The following CNTNAP2 variants were observed in gnomAD, a reference collection of about 807,000 sequenced individuals.
The protein encoded by CNTNAP2 is contactin associated protein 2.
CNTNAP2 carries 98 observed loss-of-function variants against 155.2 expected under a neutral mutation model. The observed-to-expected ratio is 0.63, with a 90% confidence interval of 0.54 to 0.75. The LOEUF (loss-of-function observed/expected upper bound fraction) is 0.75. CNTNAP2 is among the 30% of genes least tolerant of loss of function. The pLI is 0.00. For synonymous variants in CNTNAP2, 651 were observed against 631.2 expected (o/e 1.03, Z -0.47); for missense variants, 1,727 against 1,688.1 (o/e 1.02, Z -0.40).
intron 12 of CNTNAP2, among the ~76,000 whole-genome samples, chr7:147,577,873 CA>C (rs1157591318): frequency 6.6e-6 from 1 of 152,080 alleles, no homozygotes; most frequent in Admixed American, 6.6e-5. Flanking sequence ...CTACTCTCCT[CA>C]AGTTTATCTT....
chr7:147,275,066 A>G (rs962260954), intron 8 of CNTNAP2, among the ~76,000 whole-genome samples: 9 of 152,124 alleles, frequency 5.9e-5, no homozygotes, highest in African/African-American at 2.2e-4. Flanking sequence ...TTATAGCCTT[A>G]CAGTATAATT....
At chr7:147,147,723 C>T (rs147596711) in intron 8 of CNTNAP2, among the ~76,000 whole-genome samples, 2 of 152,240 alleles carry the variant, frequency 1.3e-5, no homozygotes, top group African/African-American at 4.8e-5. Flanking sequence ...ACTGATAACA[C>T]CTGACATGCT....
At chr7:146,678,982 C>T (rs1484432635) in intron 1 of CNTNAP2, among the ~76,000 whole-genome samples, 1 of 152,038 alleles carries the variant, frequency 6.6e-6, no homozygotes, top group Non-Finnish European at 1.5e-5. Context: ...TCAGGATTGT[C>T]TTTCTTTTTC....
At chr7:147,975,775 G>A (rs1321883700) in intron 14 of CNTNAP2, among the ~76,000 whole-genome samples, 1 of 151,796 alleles carries the variant, frequency 6.6e-6, no homozygotes. Flanking sequence ...CCCCTCTTTG[G>A]TCCCTTCCCA....
chr7:147,309,907 T>A (rs1795092084), intron 9 of CNTNAP2, among the ~76,000 whole-genome samples: 1 of 152,068 alleles, frequency 6.6e-6, no homozygotes, highest in Non-Finnish European at 1.5e-5. Flanking sequence ...CACTTTCTAT[T>A]ATGAGAATAT....
chr7:146,205,748 C>G (rs931706506), intron 1 of CNTNAP2, among the ~76,000 whole-genome samples: 1 of 151,806 alleles, frequency 6.6e-6, no homozygotes, highest in African/African-American at 2.4e-5. Flanking sequence ...AAAAGTCTAA[C>G]ATAGCAACTT....
chr7:147,721,630 T>C (rs1796569301), intron 13 of CNTNAP2, among the ~76,000 whole-genome samples: 1 of 152,100 alleles, frequency 6.6e-6, no homozygotes, highest in African/African-American at 2.4e-5. Context: ...GGAGTTCCCT[T>C]TACATATTTC....
At chr7:146,952,070 C>T (rs994313807) in intron 3 of CNTNAP2, among the ~76,000 whole-genome samples, 1 of 152,084 alleles carries the variant, frequency 6.6e-6, no homozygotes, top group African/African-American at 2.4e-5. Flanking sequence ...ACATTAAAAA[C>T]TTATCCGCCA....
chr7:146,856,812 G>A (rs112143577), intron 3 of CNTNAP2, among the ~76,000 whole-genome samples: 7,185 of 152,148 alleles, frequency 0.047, 211 homozygotes, highest in African/African-American at 0.07. Flanking sequence ...AATATTCTAT[G>A]AGGAATGTTC....
chr7:146,796,859 G>A (rs993771550), intron 2 of CNTNAP2, among the ~76,000 whole-genome samples: 9 of 152,162 alleles, frequency 5.9e-5, no homozygotes, highest in Admixed American at 6.5e-5. Context: ...ATTCTTGGCC[G>A]GGCGCGGTGG....
At chr7:148,326,503 A>G (rs1451165092) in intron 21 of CNTNAP2, among the ~76,000 whole-genome samples, 1 of 152,182 alleles carries the variant, frequency 6.6e-6, no homozygotes, top group Non-Finnish European at 1.5e-5. Flanking sequence ...CAAACTAACC[A>G]GCATTCCTAA....
At chr7:148,346,069 G>C (rs1008519795) in intron 21 of CNTNAP2, among the ~76,000 whole-genome samples, 6 of 152,078 alleles carry the variant, frequency 3.9e-5, no homozygotes, top group African/African-American at 1.4e-4. Context: ...CCCCCTGAGC[G>C]CCAGTGTCAC....
intron 1 of CNTNAP2, among the ~76,000 whole-genome samples, chr7:146,130,834 T>TGA (rs1481223886): frequency 4.6e-5 from 7 of 152,082 alleles, no homozygotes; most frequent in African/African-American, 1.7e-4. Flanking sequence ...TGGTGGCAGA[T>TGA]GAGAGAGAAG....
rs548190689 is a variant in CNTNAP2, at chr7:146,196,678, A to G, written c.97+79705A>G. Among the ~76,000 whole-genome samples, 4 of 152,296 alleles carry G rather than the reference A, an allele frequency of 2.6e-5. No individual in the cohort carries two copies. In the South Asian group the frequency reaches 8.3e-4, roughly 32 times the overall value. On this transcript the variant is annotated intron_variant, in intron 1 of 23. Transcript: ENST00000361727. ...GAGAAACCAGAAGAGAAGACATGGC[A>G]TGTATAGAAAACTATAAATAGTTCA...
intron 1 of CNTNAP2, among the ~76,000 whole-genome samples, chr7:146,325,747 TTTCCCTGCTTAAGACA>T (rs1483262420): frequency 2.0e-5 from 3 of 152,134 alleles, no homozygotes; most frequent in Non-Finnish European, 4.4e-5. Flanking sequence ...TCATTCCTAC[TTTCCCTGCTTAAGACA>T]TTTTCAATAA....
Position 146,732,916 on chromosome 7 carries a change from T to A in CNTNAP2, c.98-41355T>A, listed in dbSNP as rs76612566. 9.0e-3 allele frequency among the ~76,000 whole-genome samples: 1,369 copies of A among 152,270 alleles called. 10 individuals are homozygous for A. Among genetic ancestry groups the A allele is most frequent in the Middle Eastern group, 0.02 (6 of 294 alleles). On this transcript the variant is annotated intron_variant, in intron 1 of 23. Coordinates refer to ENST00000361727, the MANE Select transcript of CNTNAP2 (RefSeq NM_014141.6). Reference sequence around the variant, plus strand: ...TTATTGTGATTTTAATGGTTTTGTATTTTCAAATATGTATTTTCAATCTGC... The same window carrying A: ...TTATTGTGATTTTAATGGTTTTGTAATTTCAAATATGTATTTTCAATCTGC...
chr7:146,677,386 G>T (rs2129169211), intron 1 of CNTNAP2, among the ~76,000 whole-genome samples: 1 of 152,270 alleles, frequency 6.6e-6, no homozygotes, highest in East Asian at 1.9e-4. Context: ...GATTCAGAGA[G>T]AATAGATTGT....
At chr7:146,369,073 C>G (rs1459136008) in intron 1 of CNTNAP2, among the ~76,000 whole-genome samples, 1 of 144,846 alleles carries the variant, frequency 6.9e-6, no homozygotes, top group African/African-American at 2.6e-5. Flanking sequence ...ATACTCATAA[C>G]TCTTCATTCA....
rs148703190 is a variant in CNTNAP2, at chr7:146,495,777, A to C, written c.98-278494A>C. On this transcript the variant is annotated intron_variant, in intron 1 of 23. Transcript: ENST00000361727. The stretch of plus-strand genomic sequence containing the variant: ...GTAGACGATGGTGAAGAAATGAGAA[A>C]GGGTAAGGCATGAGAATAAAGACAT... Among the ~76,000 whole-genome samples, 1,070 of 148,082 alleles carry C rather than the reference A, an allele frequency of 7.2e-3. 16 individuals are homozygous for C. The highest frequency in any genetic ancestry group is 0.025 in the African/African-American group (1,001 of 40,156).
Sources: allele counts gnomAD v4.1 joint callset (sites outside exome capture counted in the v4.1 genomes callset), GRCh38; gene constraint gnomAD v4.1.1; transcripts MANE v1.5; gene names NCBI Gene and HGNC (gene_info 2026-07-23, HGNC 2026-07-21).